NSD2: variants seen among roughly 807,000 people sequenced by gnomAD.
The protein encoded by NSD2 is nuclear receptor binding SET domain protein 2.
In NSD2, 12 loss-of-function variants were observed where a neutral mutation model predicts 139.0. That is an observed-to-expected ratio of 0.09 (90% CI 0.06 to 0.14). The LOEUF (loss-of-function observed/expected upper bound fraction) is 0.14, where lower values mean the gene tolerates loss of function less well. Among genes scored for constraint, NSD2 ranks in the 10% least tolerant of loss-of-function variants. The pLI is 1.00. For missense variants in NSD2, 1,155 were observed against 1,745.0 expected (o/e 0.66, Z 6.02); for synonymous variants, 669 against 648.7 (o/e 1.03, Z -0.48).
chr4:1,962,060 G>C (rs1054637229), intron 18 of NSD2, among the ~76,000 whole-genome samples: 1 of 152,212 alleles, frequency 6.6e-6, no homozygotes, highest in Non-Finnish European at 1.5e-5. Context: ...CAGATGTGAT[G>C]AGACCTAGAG....
intron 5 of NSD2, among the ~76,000 whole-genome samples, chr4:1,925,773 T>TA (rs772413927): frequency 0.013 from 1,889 of 140,602 alleles, 31 homozygotes; most frequent in African/African-American, 0.045. Context: ...TATATATATA[T>TA]TTTTTTTTGT....
At chr4:1,887,029 T>C (rs1173065475) in intron 1 of NSD2, among the ~76,000 whole-genome samples, 2 of 152,170 alleles carry the variant, frequency 1.3e-5, no homozygotes, top group Non-Finnish European at 2.9e-5. Context: ...CAGAACTTAG[T>C]GGTTGAAAAA....
intron 1 of NSD2, among the ~76,000 whole-genome samples, chr4:1,877,620 C>T (rs1352243431): frequency 1.3e-5 from 2 of 152,180 alleles, no homozygotes; most frequent in Non-Finnish European, 2.9e-5. Context: ...AATGCTGTGC[C>T]TGACTCCTGC....
At chr4:1,967,316 A>G (rs554715473) in intron 18 of NSD2, among the ~76,000 whole-genome samples, 1 of 152,370 alleles carries the variant, frequency 6.6e-6, no homozygotes, top group African/African-American at 2.4e-5. Flanking sequence ...ACGGTGGCTC[A>G]TGCCTGTAAT....
intron 18 of NSD2, among the ~76,000 whole-genome samples, chr4:1,965,051 CAAAAAAAAAAA>C (rs555374240): frequency 0.055 from 2,601 of 47,302 alleles, 125 homozygotes; most frequent in African/African-American, 0.19. Context: ...CAGTGTTCAG[CAAAAAAAAAAA>C]AAAAAAAAAA....
intron 1 of NSD2, among the ~76,000 whole-genome samples, chr4:1,872,627 A>AGAGAGAGAGAGAGAGC (rs1560534111): frequency 2.1e-5 from 3 of 143,234 alleles, no homozygotes; most frequent in Non-Finnish European, 1.5e-5. Flanking sequence ...AGAGAGAGAG[A>AGAGAGAGAGAGAGAGC]GAGAGAGAGC....
chr4:1,872,945 C>T (rs1713980360), intron 1 of NSD2, among the ~76,000 whole-genome samples: 1 of 152,162 alleles, frequency 6.6e-6, no homozygotes, highest in Non-Finnish European at 1.5e-5. Flanking sequence ...AAGAGCAGAA[C>T]GCCAACAACA....
chr4:1,913,863 C>T (rs1342463962), intron 3 of NSD2, among the ~76,000 whole-genome samples: 1 of 152,140 alleles, frequency 6.6e-6, no homozygotes, highest in South Asian at 2.1e-4. Context: ...CTCTCGTCTC[C>T]ACACACGAGG....
rs962544804 is a variant in NSD2 at position 1,956,704 on chromosome 4, A to G, written c.2881+516A>G. 6.6e-6 allele frequency among the ~76,000 whole-genome samples: 1 copy of G among 152,152 alleles called. No individual in the cohort carries two copies. The highest frequency in any genetic ancestry group is 1.5e-5 in the Non-Finnish European group (1 of 68,026). ...AGGCAGGATGGGGATGTGACCCTTC[A>G]CTGGAGGAACTGGAGGAACTGGTAT... is the stretch of plus-strand genomic sequence containing the variant. On this transcript the variant is annotated intron_variant, in intron 15 of 21. Coordinates refer to ENST00000508803, the MANE Select transcript of NSD2 (RefSeq NM_001042424.3). This position sits in a 1 kb window ranked among gnomAD's most constrained non-coding sequence, Gnocchi z 5.3.
chr4:1,970,237 G>T (rs1033275157), intron 18 of NSD2, among the ~76,000 whole-genome samples: 4 of 152,178 alleles, frequency 2.6e-5, no homozygotes, highest in African/African-American at 9.7e-5. Context: ...AAAACAAAAA[G>T]CCTAAATTGC....
chr4:1,902,860 C>T (rs1717368108), intron 2 of NSD2, among the ~76,000 whole-genome samples: 1 of 152,112 alleles, frequency 6.6e-6, no homozygotes, highest in Non-Finnish European at 1.5e-5. Context: ...GGTTGCTGTG[C>T]AGTAATCTGG....
chr4:1,879,817 A>G (rs1416437176), intron 1 of NSD2, among the ~76,000 whole-genome samples: 2 of 146,798 alleles, frequency 1.4e-5, no homozygotes, highest in Admixed American at 6.7e-5. Flanking sequence ...CCCTGGGCCC[A>G]TGGCACTTGT....
In NSD2 at chr4:1,941,035, T is replaced by C. The variant is rs139693270; in HGVS notation, c.1881+1257T>C. The C allele has an allele frequency of 3.3e-4, 354 of 1,057,064 alleles. 1 individual carries two copies. The African/African-American group carries it at 5.0e-3, about 15-fold the overall frequency. The allele number at this position is 1,057,064 out of a possible 1,614,324, so 65.5% of individuals were successfully genotyped here. A position where few individuals can be genotyped will look rare whatever the true frequency, so the allele number is the denominator to read the frequency against. On this transcript the variant is annotated intron_variant, in intron 9 of 21. Coordinates refer to ENST00000508803, the MANE Select transcript of NSD2 (RefSeq NM_001042424.3). ...GTGTAGATAATTAAGCATTTTGTGA[T>C]GTTTGGACACACTGGAGAAAAGGCA...
chr4:1,964,731 CCT>C (rs1284993937), intron 18 of NSD2, among the ~76,000 whole-genome samples: 3 of 152,266 alleles, frequency 2.0e-5, no homozygotes, highest in Admixed American at 6.5e-5. Context: ...CAATTGCCCC[CCT>C]CTTTCATTTT....
intron 1 of NSD2, among the ~76,000 whole-genome samples, chr4:1,894,098 A>T (rs1441690176): frequency 6.6e-6 from 1 of 152,070 alleles, no homozygotes; most frequent in Non-Finnish European, 1.5e-5. Flanking sequence ...CTAGGACTGT[A>T]GGTGTGTGTC....
At chr4:1,872,633 A>AGAGAGAGAGAGAGAGG (rs1203166315) in intron 1 of NSD2, among the ~76,000 whole-genome samples, 3 of 131,034 alleles carry the variant, frequency 2.3e-5, no homozygotes, top group Admixed American at 1.6e-4. Context: ...AGAGAGAGAG[A>AGAGAGAGAGAGAGAGG]GAGCGCGCAG....
intron 1 of NSD2, among the ~76,000 whole-genome samples, chr4:1,874,414 C>T (rs1237601030): frequency 2.6e-5 from 4 of 152,128 alleles, no homozygotes; most frequent in Non-Finnish European, 5.9e-5. Flanking sequence ...GACCTTTCTC[C>T]CCTGTTGGGT....
intron 18 of NSD2, among the ~76,000 whole-genome samples, chr4:1,965,691 C>G (rs1048512734): frequency 1.3e-5 from 2 of 152,206 alleles, no homozygotes; most frequent in Non-Finnish European, 2.9e-5. Flanking sequence ...TAATTGATGA[C>G]TCACAGTTCC....
At position 1,900,853 on chromosome 4, in the gene NSD2, G is replaced by A. The variant is rs202235551; in HGVS notation, c.199G>A (p.Gly67Ser). 231 of 1,613,446 alleles carry A rather than the reference G, an allele frequency of 1.4e-4. No individual in the cohort carries two copies. The highest frequency in any genetic ancestry group is 3.1e-5 in the Non-Finnish European group (37 of 1,179,722). ...LQEGVMQKFN[G>S]HDALPFIPAD... ...GGAGGGGGTCATGCAGAAGTTTAACGGCCACGACGCCCTGCCCTTTATTCC... is the reference window on the plus strand; with the variant it reads ...GGAGGGGGTCATGCAGAAGTTTAACAGCCACGACGCCCTGCCCTTTATTCC... Residue 67 changes from glycine to serine, a missense_variant, in exon 2 of 22, where the codon GGC becomes AGC. This residue lies in a region of NSD2 where 246 missense variants were observed against 262.8 expected (regional missense o/e 0.94). Coordinates refer to ENST00000508803, the MANE Select transcript of NSD2 (RefSeq NM_001042424.3).
Sources: allele counts gnomAD v4.1 joint callset (sites outside exome capture counted in the v4.1 genomes callset), GRCh38; gene constraint gnomAD v4.1.1; regional missense constraint gnomAD v4.1.1; non-coding constraint Gnocchi (gnomAD v3.1); transcripts MANE v1.5; gene names NCBI Gene and HGNC (gene_info 2026-07-23, HGNC 2026-07-21).